The following MYO1E variants were observed in gnomAD, a reference collection of about 807,000 sequenced individuals.
MYO1E encodes myosin IE.
In MYO1E, 68 loss-of-function variants were observed where a neutral mutation model predicts 151.1. The ratio of observed to expected loss-of-function variants is 0.45; its 90% CI spans 0.37 to 0.55. The LOEUF (loss-of-function observed/expected upper bound fraction) is 0.55, where lower values mean the gene tolerates loss of function less well. MYO1E is among the 20% of genes least tolerant of loss of function. MYO1E has a pLI of 0.00. For missense variants in MYO1E, 1,363 were observed against 1,389.3 expected, an observed-to-expected ratio of 0.98 and a Z score of 0.30; for synonymous variants, 601 against 501.7, an observed-to-expected ratio of 1.20 and a Z score of -2.64.
intron 22 of MYO1E, among the ~76,000 whole-genome samples, chr15:59,165,823 AG>A (rs2079560257): frequency 6.6e-6 from 1 of 152,232 alleles, no homozygotes. Context: ...AAAAGACCAG[AG>A]TAAAACAAGA....
At chr15:59,197,478 G>A (rs1172238066) in intron 16 of MYO1E, among the ~76,000 whole-genome samples, 1 of 152,186 alleles carries the variant, frequency 6.6e-6, no homozygotes, top group African/African-American at 2.4e-5. Flanking sequence ...AGTTTGCAGT[G>A]CAGATTAGAT....
At position 59,208,333 on chromosome 15, in the gene MYO1E, G is replaced by A. The variant is rs546581734; in HGVS notation, c.1530+348C>T. On this transcript the variant is annotated intron_variant, in intron 14 of 27. Coordinates refer to ENST00000288235, the MANE Select transcript of MYO1E (RefSeq NM_004998.4). ...GCACTTGCCATGTTATATATATGTA[G>A]TTGGCATTTGGTTCCCAAAAAGTAG... is the stretch of plus-strand genomic sequence containing the variant. 7 of 559,234 alleles carry A rather than the reference G, an allele frequency of 1.3e-5. No homozygotes were observed. In the Admixed American group the frequency reaches 1.4e-4, roughly 11 times the overall value. 34.6% of individuals were successfully genotyped at this position (559,234 alleles called of 1,614,324 possible). A position where few individuals can be genotyped will look rare whatever the true frequency, so the allele number is the denominator to read the frequency against.
rs116756354 is a variant in MYO1E, at chr15:59,216,368, T to A, written c.1107+1523A>T. Among the ~76,000 whole-genome samples the A allele has an allele frequency of 6.4e-3, 968 of 151,874 alleles. 11 individuals are homozygous for A. Among genetic ancestry groups the A allele is most frequent in the African/African-American group, 0.022 (909 of 41,378 alleles). ...TCACAGGGTTGTTGTAAGAATTAAG[T>A]GAGGGTTTTTTCTCTTTAAAATACT... On this transcript the variant is annotated intron_variant, in intron 10 of 27. Coordinates refer to ENST00000288235, the MANE Select transcript of MYO1E (RefSeq NM_004998.4).
rs150728276 is a variant in MYO1E, at chr15:59,207,428, T to C, written c.1530+1253A>G. 244 of 1,614,052 alleles carry C rather than the reference T, an allele frequency of 1.5e-4. 1 individual carries two copies. In the African/African-American group the frequency reaches 3.0e-3, roughly 20 times the overall value. The stretch of plus-strand genomic sequence containing the variant: ...CGCCTTAATTTAGTCCAGCGAAATG[T>C]GGCCATCTTCAAGTTAATGATTTCC... On this transcript the variant is annotated intron_variant, in intron 14 of 27. Transcript: ENST00000288235.
intron 1 of MYO1E, among the ~76,000 whole-genome samples, chr15:59,291,682 TA>T (rs1182076268): frequency 0.013 from 104 of 7,774 alleles, no homozygotes; most frequent in African/African-American, 0.024. Context: ...CTAAAAATAC[TA>T]AAAAAAAAAA....
intron 26 of MYO1E, among the ~76,000 whole-genome samples, chr15:59,145,920 A>ACTACCATC (rs780603007): frequency 6.6e-5 from 10 of 152,192 alleles, no homozygotes; most frequent in South Asian, 2.1e-4. Context: ...TTACCAGCAC[A>ACTACCATC]CTACCATCCT....
intron 5 of MYO1E, among the ~76,000 whole-genome samples, chr15:59,235,501 G>A (rs1566988074): frequency 1.3e-5 from 2 of 151,946 alleles, no homozygotes; most frequent in African/African-American, 4.8e-5. Context: ...CAGTACAATC[G>A]GTACATGAAG....
intron 1 of MYO1E, among the ~76,000 whole-genome samples, chr15:59,372,069 C>A (rs1473396825): frequency 6.7e-6 from 1 of 149,518 alleles, no homozygotes; most frequent in African/African-American, 2.4e-5. Context: ...CGGGGCGGGG[C>A]GGGCACGGCC....
intron 16 of MYO1E, among the ~76,000 whole-genome samples, chr15:59,200,903 G>T (rs1458753717): frequency 1.3e-5 from 2 of 152,092 alleles, no homozygotes; most frequent in Non-Finnish European, 2.9e-5. Flanking sequence ...CACACAGCGA[G>T]GAAAAGCCAG....
chr15:59,281,381 T>G (rs1286931809), intron 1 of MYO1E, among the ~76,000 whole-genome samples: 1 of 152,070 alleles, frequency 6.6e-6, no homozygotes, highest in East Asian at 1.9e-4. Flanking sequence ...GTTCAAGTGA[T>G]TCTCCTGCCT....
intron 1 of MYO1E, among the ~76,000 whole-genome samples, chr15:59,287,666 G>A (rs2080394906): frequency 6.6e-6 from 1 of 152,220 alleles, no homozygotes; most frequent in Non-Finnish European, 1.5e-5. Context: ...TGAGGAGTCT[G>A]CATGTTTTTC....
chr15:59,163,396 ATAGTGC>A, intron 22 of MYO1E, 93 bp from the exon 23 acceptor site: 2 of 1,311,552 alleles, frequency 1.5e-6, no homozygotes, highest in Non-Finnish European at 2.1e-6. Context: ...ATCCTGCAAG[ATAGTGC>A]TAAGATTTTA....
chr15:59,298,679 A>G (rs1463218053), intron 1 of MYO1E, among the ~76,000 whole-genome samples: 1 of 152,192 alleles, frequency 6.6e-6, no homozygotes, highest in Non-Finnish European at 1.5e-5. Flanking sequence ...AAGGGTAGAA[A>G]TGGAAGGAGT....
intron 1 of MYO1E, among the ~76,000 whole-genome samples, chr15:59,361,876 G>A (rs1359436078): frequency 3.3e-5 from 5 of 151,320 alleles, no homozygotes; most frequent in South Asian, 2.1e-4. Context: ...TGGCTGTATC[G>A]CCCAGGCTGG....
chr15:59,322,314 T>A (rs1438423852), intron 1 of MYO1E, among the ~76,000 whole-genome samples: 2 of 152,182 alleles, frequency 1.3e-5, no homozygotes, highest in African/African-American at 4.8e-5. Context: ...ACCCCTTGAA[T>A]CTAAAGTAAA....
chr15:59,207,224 A>G (rs747467498), intron 14 of MYO1E: 1 of 1,614,216 alleles, frequency 6.2e-7, no homozygotes, highest in Non-Finnish European at 8.5e-7. Flanking sequence ...GGCTTGAGTG[A>G]TGAACTTGCC....
chr15:59,223,317 A>T, intron 8 of MYO1E, 126 bp from the exon 9 acceptor site: 3 of 258,018 alleles, frequency 1.2e-5, no homozygotes, highest in Non-Finnish European at 1.1e-5. Flanking sequence ...GTTACAAAGA[A>T]AAAAAAAAAA....
chr15:59,267,379 G>T (rs141077649), intron 2 of MYO1E, among the ~76,000 whole-genome samples: 1 of 152,174 alleles, frequency 6.6e-6, no homozygotes, highest in Non-Finnish European at 1.5e-5. Context: ...TACGCTGGTC[G>T]AGTGGACTTC....
Position 59,138,328 on chromosome 15 carries a change from C to T in MYO1E, c.3120G>A (p.Gly1040=), listed in dbSNP as rs1356039385. The change falls in exon 27 of 28, where the codon GGG becomes GGA. Residue 1040 remains glycine (G), a synonymous_variant. Transcript: ENST00000288235. The stretch of plus-strand genomic sequence containing the variant: ...GCTTGGGCTGGGGCTTGGGTCTGCC[C>T]CCTGCTGGGGGAGGCCGACTGGTTG... ...RQTTSRPPPA[G]GRPKPQPKPK... is the part of the protein sequence containing the mutation. 15 of 1,614,160 alleles carry T rather than the reference C, an allele frequency of 9.3e-6. No individual in the cohort carries two copies. The highest frequency in any genetic ancestry group is 1.3e-5 in the Non-Finnish European group (15 of 1,180,038).
Sources: gnomAD v4.1 joint callset for allele counts (sites outside exome capture counted in the v4.1 genomes callset) on GRCh38, gnomAD v4.1.1 for gene constraint, MANE v1.5 for transcripts, NCBI Gene and HGNC (gene_info 2026-07-23, HGNC 2026-07-21) for gene names.